NOL3: variants seen among roughly 807,000 people sequenced by gnomAD.
The protein encoded by NOL3 is muscle-enriched cytoplasmic protein.
A neutral mutation model predicts 19.2 loss-of-function variants in NOL3; 18 were observed. The ratio of observed to expected loss-of-function variants is 0.94; its 90% CI spans 0.65 to 1.39. NOL3 has a LOEUF of 1.39. Among genes scored for constraint, NOL3 ranks in the 40% most tolerant of loss-of-function variants. The probability of loss-of-function intolerance (pLI) is 0.00; values close to 1 mark genes in which losing one functional copy is unlikely to be tolerated. For synonymous variants in NOL3, 127 were observed against 137.3 expected (o/e 0.93, Z 0.52); for missense variants, 290 against 289.5 (o/e 1.00, Z -0.01).
chr16:67,174,162 C>A (rs752964514), exon 2 of NOL3: 6 of 1,606,712 alleles, frequency 3.7e-6, no homozygotes, highest in Non-Finnish European at 5.1e-6. Flanking sequence ...CCCCATGCAG[C>A]CCCGACAATG....
chr16:67,174,916 C>T, exon 3 of NOL3: 3 of 1,613,054 alleles, frequency 1.9e-6, no homozygotes, highest in Non-Finnish European at 2.5e-6. Flanking sequence ...AGCCCGAGCC[C>T]GACTTCGAGG....
Position 67,170,944 on chromosome 16 carries a change from C to G in NOL3, c.-9+370C>G, listed in dbSNP as rs2031714794. ...TGGGAAGAATCGGACCTGTCACCCT[C>G]GAAGGACTGGCCGCTAAATAACTTC... is the stretch of plus-strand genomic sequence containing the variant. On this transcript the variant is annotated intron_variant, in intron 1 of 3. Transcript: ENST00000268605. The surrounding 1 kb of genome is among the most constrained non-coding windows in gnomAD (Gnocchi z 5.7). 6.6e-6 allele frequency among the ~76,000 whole-genome samples: 1 copy of G among 152,222 alleles called. No homozygotes were observed. Among genetic ancestry groups the G allele is most frequent in the Non-Finnish European group, 1.5e-5 (1 of 68,038 alleles).
intron 1 of NOL3, among the ~76,000 whole-genome samples, chr16:67,173,465 C>T (rs1420735428): frequency 5.3e-5 from 8 of 151,572 alleles, no homozygotes; most frequent in Admixed American, 4.6e-4. Flanking sequence ...GGTGTAGAGG[C>T]GGGGCTTGTC....
At chr16:67,171,095 T>C (rs1408316824) in intron 1 of NOL3, 2 of 152,234 alleles carry the variant, frequency 1.3e-5, no homozygotes, top group African/African-American at 2.4e-5. Context: ...ACAACTTAGG[T>C]TGGAGAGAAG....
intron 1 of NOL3, chr16:67,173,955 A>G (rs1237948007): frequency 1.3e-6 from 2 of 1,536,852 alleles, no homozygotes; most frequent in South Asian, 2.4e-5. Context: ...AGGAGACAGG[A>G]CAGAGCGTCT....
chr16:67,173,788 T>C, intron 1 of NOL3: 2 of 1,314,284 alleles, frequency 1.5e-6, no homozygotes, highest in Non-Finnish European at 2.1e-6. Context: ...TTAGTTTGGA[T>C]AAACGGGGTC....
exon 2 of NOL3, chr16:67,174,302 T>C (rs2031977091): frequency 1.2e-6 from 2 of 1,609,586 alleles, no homozygotes; most frequent in African/African-American, 1.3e-5. Context: ...CGGGCCAGAG[T>C]ACGAGGCATT....
At chr16:67,173,962 G>T (rs920728539) in intron 1 of NOL3, 200 bp from the exon 2 acceptor site, 2 of 1,537,220 alleles carry the variant, frequency 1.3e-6, no homozygotes, top group African/African-American at 1.4e-5. Context: ...AGGACAGAGC[G>T]TCTGGAGAGG....
chr16:67,175,265 T>C, exon 4 of NOL3: 2 of 1,450,556 alleles, frequency 1.4e-6, no homozygotes, highest in Admixed American at 2.8e-5. Context: ...CCCAGGGACC[T>C]GGGCAGGCCC....
exon 4 of NOL3, chr16:67,175,363 C>T: frequency 2.3e-6 from 3 of 1,280,924 alleles, no homozygotes; most frequent in Admixed American, 3.8e-5. Context: ...ACCTAGCCCC[C>T]TAGTGGGACA....
rs984731447 is a variant in NOL3 at position 67,174,757 on chromosome 16, G to A, written c.432G>A (p.Ala144=). ...CCGGGGGCCCTGAGGGCTCCGAGGC[G>A]GTGCAATCCGGGACCCCGGAGGAGC... The change falls in exon 3 of 4, where the codon GCG becomes GCA. Residue 144 remains alanine, a synonymous_variant. Coordinates refer to ENST00000268605, the Ensembl canonical transcript of NOL3. 3.7e-6 allele frequency: 6 copies of A among 1,609,398 alleles called. No homozygotes were observed. Among genetic ancestry groups the A allele is most frequent in the African/African-American group, 1.3e-5 (1 of 74,886 alleles).
exon 2 of NOL3, chr16:67,174,400 A>G: frequency 6.4e-7 from 1 of 1,553,116 alleles, no homozygotes; most frequent in South Asian, 1.2e-5. Flanking sequence ...AGGAGCTGCT[A>G]CGCTGTGCCC....
chr16:67,175,569 G>T, exon 4 of NOL3: 1 of 162,940 alleles, frequency 6.1e-6, no homozygotes, highest in Non-Finnish European at 1.3e-5. Context: ...GGAGCAGAAA[G>T]GGACCTTGAG....
At chr16:67,171,803 G>A (rs1244421390) in intron 1 of NOL3, 1 of 152,406 alleles carries the variant, frequency 6.6e-6, no homozygotes, top group African/African-American at 2.4e-5. Flanking sequence ...GAGGGGCTCA[G>A]AGGGACTGTT....
At chr16:67,173,795 G>T (rs2031917187) in intron 1 of NOL3, 2 of 1,364,546 alleles carry the variant, frequency 1.5e-6, no homozygotes, top group South Asian at 1.3e-5. Context: ...GGATAAACGG[G>T]GTCTGAACTC....
intron 1 of NOL3, among the ~76,000 whole-genome samples, chr16:67,173,380 G>A (rs2031887091): frequency 6.6e-6 from 1 of 152,166 alleles, no homozygotes; most frequent in African/African-American, 2.4e-5. Context: ...TGGTATCTCT[G>A]CTCAGGAATC....
chr16:67,172,341 G>A (rs1159054959), intron 1 of NOL3, among the ~76,000 whole-genome samples: 3 of 152,126 alleles, frequency 2.0e-5, no homozygotes, highest in Non-Finnish European at 2.9e-5. Context: ...AGCTGGGTGC[G>A]GTGGCTCATG....
exon 3 of NOL3, chr16:67,174,791 G>C (rs1204137875): frequency 6.2e-7 from 1 of 1,606,902 alleles, no homozygotes; most frequent in South Asian, 1.1e-5. Flanking sequence ...GCCAGAGCCA[G>C]AGCTGGAAGC....
rs558555514 is a variant in NOL3, at chr16:67,174,033, C to T, written c.-8-129C>T. On this transcript the variant is annotated intron_variant, in intron 1 of 3. Coordinates refer to ENST00000268605, the Ensembl canonical transcript of NOL3. ...GTCCTGTGCTTGCGGAGCCGTCCGGCGGCTGGGATCGAGGTGAACTTAAAC... is the reference window on the plus strand; with the variant it reads ...GTCCTGTGCTTGCGGAGCCGTCCGGTGGCTGGGATCGAGGTGAACTTAAAC... The T allele has an allele frequency of 9.0e-6, 14 of 1,550,858 alleles. No individual in the cohort carries two copies. The East Asian group carries it at 2.7e-4, about 30-fold the overall frequency.
Sources: gnomAD v4.1 joint callset for allele counts (sites outside exome capture counted in the v4.1 genomes callset) on GRCh38, gnomAD v4.1.1 for gene constraint, Gnocchi (gnomAD v3.1) non-coding constraint, MANE v1.5 for transcripts, NCBI Gene and HGNC (gene_info 2026-07-23, HGNC 2026-07-21) for gene names.